Variants in YWHAE observed in about 807,000 individuals in gnomAD.
The protein encoded by YWHAE is tyrosine 3-monooxygenase/tryptophan 5-monooxygenase activation protein epsilon.
In YWHAE, 4 loss-of-function variants were observed where a neutral mutation model predicts 30.1. That is an observed-to-expected ratio of 0.13 (90% confidence interval 0.07 to 0.30). YWHAE has a LOEUF of 0.30. Ranked by LOEUF, YWHAE falls within the 10% of genes least tolerant of loss-of-function variation. The pLI, the probability that YWHAE is intolerant of heterozygous loss-of-function variation, is 1.00. For missense variants in YWHAE, 121 were observed against 315.9 expected (o/e 0.38, Z 4.68); for synonymous variants, 118 against 111.8 (o/e 1.06, Z -0.35).
intron 1 of YWHAE, among the ~76,000 whole-genome samples, chr17:1,389,316 C>A (rs1219726721): frequency 5.3e-5 from 8 of 152,150 alleles, no homozygotes; most frequent in Non-Finnish European, 8.8e-5. Flanking sequence ...GTGTTCACAA[C>A]AACCACTCCA....
At chr17:1,349,205 G>A (rs2083219370) in intron 5 of YWHAE, among the ~76,000 whole-genome samples, 2 of 152,088 alleles carry the variant, frequency 1.3e-5, no homozygotes, top group South Asian at 4.1e-4. Flanking sequence ...GCCAGGCGTG[G>A]TGGTGGGCAC....
chr17:1,384,496 C>T (rs912071685), intron 1 of YWHAE, among the ~76,000 whole-genome samples: 16 of 148,756 alleles, frequency 1.1e-4, no homozygotes, highest in East Asian at 2.1e-4. Flanking sequence ...TCAAGACCAT[C>T]CTGGCTAACA....
At chr17:1,360,192 T>A (rs1231506943) in intron 4 of YWHAE, among the ~76,000 whole-genome samples, 2 of 151,970 alleles carry the variant, frequency 1.3e-5, no homozygotes, top group African/African-American at 4.8e-5. Flanking sequence ...GAACTCCTGA[T>A]CTCAGGTGAC....
chr17:1,357,723 C>T (rs956461462), intron 4 of YWHAE, among the ~76,000 whole-genome samples: 1 of 151,796 alleles, frequency 6.6e-6, no homozygotes, highest in African/African-American at 2.4e-5. Context: ...GTGAGGTGTC[C>T]AAGACCAGCC....
At chr17:1,365,417 C>A (rs2072927168) in intron 1 of YWHAE, among the ~76,000 whole-genome samples, 1 of 152,092 alleles carries the variant, frequency 6.6e-6, no homozygotes, top group African/African-American at 2.4e-5. Context: ...TAAGAATTTA[C>A]AGGTTCTAAA....
chr17:1,400,035 C>A lies in YWHAE; in HGVS notation c.64+12G>T, dbSNP rs374214391. ...CCGAGAATTCCAGCCCCCCGTTGCCCCCCCAACTCACCGTCGTATCGCTCA... is the reference window on the plus strand; with the variant it reads ...CCGAGAATTCCAGCCCCCCGTTGCCACCCCAACTCACCGTCGTATCGCTCA... On this transcript the variant is annotated intron_variant, in intron 1 of 5. Coordinates refer to ENST00000264335, the MANE Select transcript of YWHAE (RefSeq NM_006761.5). The A allele has an allele frequency of 3.0e-5, 49 of 1,613,180 alleles. No homozygotes were observed. The African/African-American group carries it at 4.5e-4, about 15-fold the overall frequency.
intron 1 of YWHAE, among the ~76,000 whole-genome samples, chr17:1,386,259 C>T (rs1430126719): frequency 2.0e-5 from 3 of 152,152 alleles, no homozygotes; most frequent in Non-Finnish European, 4.4e-5. Context: ...AAACACTGAG[C>T]TTTCTACAGT....
At chr17:1,397,195 G>C (rs931655477) in intron 1 of YWHAE, among the ~76,000 whole-genome samples, 1 of 152,148 alleles carries the variant, frequency 6.6e-6, no homozygotes, top group Non-Finnish European at 1.5e-5. Flanking sequence ...CACCCCGCCC[G>C]GCCTTTCTTC....
intron 2 of YWHAE, among the ~76,000 whole-genome samples, chr17:1,363,493 T>A (rs943808300): frequency 2.6e-5 from 4 of 152,066 alleles, no homozygotes; most frequent in Non-Finnish European, 5.9e-5. Flanking sequence ...CTCGAACTCC[T>A]CACCTCAGGT....
chr17:1,345,351 C>G lies in YWHAE; in HGVS notation c.*96G>C, dbSNP rs2072498172. On this transcript the variant is annotated 3_prime_UTR_variant, in exon 6 of 6. Coordinates refer to ENST00000264335, the MANE Select transcript of YWHAE (RefSeq NM_006761.5). ...AAATTCTGAGACCAAATGTAAAAGT[C>G]AGATTTGGTGGTTCTCAGTGACAAT... 17 of 1,218,334 alleles carry G rather than the reference C, an allele frequency of 1.4e-5. No individual in the cohort carries two copies. Among genetic ancestry groups the G allele is most frequent in the Non-Finnish European group, 1.8e-5 (15 of 844,482 alleles). The allele number at this position is 1,218,334 out of a possible 1,614,324, so 75.5% of individuals were successfully genotyped here. A position where few individuals can be genotyped will look rare whatever the true frequency, so the allele number is the denominator to read the frequency against.
At chr17:1,353,266 A>G (rs1396595158) in intron 5 of YWHAE, among the ~76,000 whole-genome samples, 1 of 151,454 alleles carries the variant, frequency 6.6e-6, no homozygotes, top group Non-Finnish European at 1.5e-5. Flanking sequence ...GTGAAACTCC[A>G]TCTTTACTAA....
rs755495296 is a variant in YWHAE at position 1,344,949 on chromosome 17, C to G, written c.*498G>C. On this transcript the variant is annotated 3_prime_UTR_variant, in exon 6 of 6. Transcript: ENST00000264335. Reference sequence around the variant, plus strand: ...AAAACCATTACAACGAAGTCCCTCCCCAAACCACCTTTAACCATCTCAAGC... The same window carrying G: ...AAAACCATTACAACGAAGTCCCTCCGCAAACCACCTTTAACCATCTCAAGC... The G allele has an allele frequency of 2.0e-4, 46 of 234,408 alleles. No individual in the cohort carries two copies. Among genetic ancestry groups the G allele is most frequent in the Non-Finnish European group, 3.5e-4 (41 of 118,212 alleles). 14.5% of individuals were successfully genotyped at this position (234,408 alleles called of 1,614,324 possible).
rs114850285 is a variant in YWHAE at position 1,395,758 on chromosome 17, G to A, written c.64+4289C>T. On this transcript the variant is annotated intron_variant, in intron 1 of 5. Transcript: ENST00000264335. ...GTAGTAAAAAGTTCATTCCACACAT[G>A]CTCCCTTCCCTGTTCTTCACTAACT... Among the ~76,000 whole-genome samples the A allele has an allele frequency of 4.4e-3, 667 of 152,220 alleles. 7 individuals carry two copies. The highest frequency in any genetic ancestry group is 0.015 in the African/African-American group (618 of 41,524).
intron 1 of YWHAE, among the ~76,000 whole-genome samples, chr17:1,384,499 G>A (rs1422883686): frequency 6.8e-6 from 1 of 148,132 alleles, no homozygotes; most frequent in African/African-American, 2.5e-5. Flanking sequence ...AGACCATCCT[G>A]GCTAACACGG....
chr17:1,392,505 G>A (rs561483236), intron 1 of YWHAE, among the ~76,000 whole-genome samples: 11 of 152,150 alleles, frequency 7.2e-5, no homozygotes, highest in Admixed American at 2.6e-4. Flanking sequence ...CCAACCACCC[G>A]GAACAACACT....
intron 1 of YWHAE, among the ~76,000 whole-genome samples, chr17:1,390,974 A>G (rs1036260017): frequency 8.5e-5 from 13 of 152,368 alleles, no homozygotes; most frequent in Admixed American, 2.0e-4. Flanking sequence ...TTAAATTTTT[A>G]TGTGGGTATT....
At chr17:1,397,152 A>T (rs552145549) in intron 1 of YWHAE, among the ~76,000 whole-genome samples, 1 of 147,560 alleles carries the variant, frequency 6.8e-6, no homozygotes, top group Admixed American at 6.8e-5. Flanking sequence ...ACCCGCCTCG[A>T]CCTCCCAAGG....
At chr17:1,383,246 G>T (rs1001017252) in intron 1 of YWHAE, among the ~76,000 whole-genome samples, 23 of 150,922 alleles carry the variant, frequency 1.5e-4, no homozygotes, top group Admixed American at 5.3e-4. Flanking sequence ...GCTACTCTGG[G>T]GGCTGAGGCA....
At position 1,379,656 on chromosome 17, in the gene YWHAE, G is replaced by A. The variant is rs371957872; in HGVS notation, c.65-14598C>T. On this transcript the variant is annotated intron_variant, in intron 1 of 5. Transcript: ENST00000264335. ...ATTTTCTTAGAAAAACAAAATGCAA[G>A]AATAGTGATCACTAGTTCTACTCAA... Among the ~76,000 whole-genome samples, 8 of 152,150 alleles carry A rather than the reference G, an allele frequency of 5.3e-5. No homozygotes were observed. The East Asian group carries it at 1.4e-3, about 26-fold the overall frequency.
Sources: gnomAD v4.1 joint callset for allele counts (sites outside exome capture counted in the v4.1 genomes callset) on GRCh38, gnomAD v4.1.1 for gene constraint, MANE v1.5 for transcripts, NCBI Gene and HGNC (gene_info 2026-07-23, HGNC 2026-07-21) for gene names.